PPIE: variants seen among roughly 807,000 people sequenced by gnomAD.
PPIE encodes peptidyl-prolyl cis-trans isomerase E.
Under a neutral mutation model 38.4 loss-of-function variants are expected in PPIE, and 20 were observed. The observed-to-expected ratio is 0.52, with a 90% confidence interval of 0.37 to 0.76. The LOEUF (loss-of-function observed/expected upper bound fraction) is 0.76, where lower values mean the gene tolerates loss of function less well. Ranked by LOEUF, PPIE falls within the 30% of genes least tolerant of loss-of-function variation. The pLI, the probability that PPIE is intolerant of heterozygous loss-of-function variation, is 0.00. For synonymous variants in PPIE, 142 were observed against 135.7 expected, an observed-to-expected ratio of 1.05 and a Z score of -0.32; for missense variants, 322 against 385.8, an observed-to-expected ratio of 0.83 and a Z score of 1.39.
chr1:39,741,480 C>T, intron 3 of PPIE, 71 bp downstream of exon 3: 2 of 1,550,354 alleles, frequency 1.3e-6, no homozygotes, highest in Admixed American at 1.7e-5. Flanking sequence ...GGAAGCTTTT[C>T]ACCATTTGGT....
intron 8 of PPIE, among the ~76,000 whole-genome samples, chr1:39,749,855 C>A (rs867233264): frequency 6.6e-6 from 1 of 152,170 alleles, no homozygotes; most frequent in East Asian, 1.9e-4. Context: ...ATCCGGTTGC[C>A]GGGTGCAGTG....
chr1:39,756,758 C>A lies in PPIE; in HGVS notation c.*3403C>A. On this transcript the variant is annotated 3_prime_UTR_variant, in exon 10 of 10. Coordinates refer to ENST00000324379, the MANE Select transcript of PPIE (RefSeq NM_006112.4). ...GAAAAAAAGCCTAGAAATAAAGCCA[C>A]AAAAATATTAATAGTGTGTTTATTT... 1 of 279,124 alleles carries A rather than the reference C, an allele frequency of 3.6e-6. No individual in the cohort carries two copies. The allele number at this position is 279,124 out of a possible 1,614,324, so 17.3% of individuals were successfully genotyped here. A position where few individuals can be genotyped will look rare whatever the true frequency, so the allele number is the denominator to read the frequency against.
chr1:39,750,134 G>A lies in PPIE; in HGVS notation c.694+1046G>A, dbSNP rs192446827. 1.1e-3 allele frequency among the ~76,000 whole-genome samples: 161 copies of A among 151,294 alleles called. 1 individual carries two copies. Among genetic ancestry groups the A allele is most frequent in the African/African-American group, 3.5e-3 (146 of 41,288 alleles). On this transcript the variant is annotated intron_variant, in intron 8 of 9. Transcript: ENST00000324379. ...GGCAACAAGAGCGAAACTCCGTCTCGGAAAAAAAAAAACAAACTTCATCCT... is the reference window on the plus strand; with the variant it reads ...GGCAACAAGAGCGAAACTCCGTCTCAGAAAAAAAAAAACAAACTTCATCCT...
chr1:39,740,857 G>A (rs921237554), intron 2 of PPIE, among the ~76,000 whole-genome samples: 1 of 152,218 alleles, frequency 6.6e-6, no homozygotes, highest in Non-Finnish European at 1.5e-5. Flanking sequence ...TTTGCAAAAT[G>A]ATAAGGTTAT....
intron 8 of PPIE, among the ~76,000 whole-genome samples, chr1:39,750,065 G>A (rs879445986): frequency 6.6e-5 from 10 of 152,088 alleles, no homozygotes; most frequent in Admixed American, 3.9e-4. Flanking sequence ...CCTGGGAGGC[G>A]GAGGTTGTGA....
In PPIE at chr1:39,755,437, A is replaced by G. The variant is rs1648164065; in HGVS notation, c.*2082A>G. ...AGTTCAGGCTCCATGTAGCTGGGAT[A>G]TACTACATGGTTACCCCTCACCCCT... On this transcript the variant is annotated 3_prime_UTR_variant, in exon 10 of 10. Transcript: ENST00000324379. 11 of 985,300 alleles carry G rather than the reference A, an allele frequency of 1.1e-5. No homozygotes were observed. The highest frequency in any genetic ancestry group is 8.7e-5 in the African/African-American group (5 of 57,236). The allele number at this position is 985,300 out of a possible 1,614,324, so 61.0% of individuals were successfully genotyped here. A position where few individuals can be genotyped will look rare whatever the true frequency, so the allele number is the denominator to read the frequency against.
rs1648011134 is a variant in PPIE, at chr1:39,753,830, C to T, written c.*475C>T. On this transcript the variant is annotated 3_prime_UTR_variant, in exon 10 of 10. Coordinates refer to ENST00000324379, the MANE Select transcript of PPIE (RefSeq NM_006112.4). ...ACAGCTTTCATTTCCTCCCTTGGGC[C>T]GATCCCCTTAGATGTCAGGTGATGT... 5.0e-6 allele frequency: 5 copies of T among 991,446 alleles called. No individual in the cohort carries two copies. Among genetic ancestry groups the T allele is most frequent in the Non-Finnish European group, 4.8e-6 (4 of 833,812 alleles). The allele number at this position is 991,446 out of a possible 1,614,324, so 61.4% of individuals were successfully genotyped here.
chr1:39,755,452 C>T lies in PPIE; in HGVS notation c.*2097C>T. The T allele has an allele frequency of 2.0e-6, 2 of 985,396 alleles. No individual in the cohort carries two copies. Among genetic ancestry groups the T allele is most frequent in the South Asian group, 4.7e-5 (1 of 21,288 alleles). The allele number at this position is 985,396 out of a possible 1,614,324, so 61.0% of individuals were successfully genotyped here. A position where few individuals can be genotyped will look rare whatever the true frequency, so the allele number is the denominator to read the frequency against. The stretch of plus-strand genomic sequence containing the variant: ...TAGCTGGGATATACTACATGGTTAC[C>T]CCTCACCCCTATGGAGCTTCCAAAA... On this transcript the variant is annotated 3_prime_UTR_variant, in exon 10 of 10. Transcript: ENST00000324379.
intron 7 of PPIE, 122 bp downstream of exon 7, chr1:39,745,620 G>A: frequency 1.3e-6 from 2 of 1,489,040 alleles, no homozygotes; most frequent in Non-Finnish European, 1.8e-6. Context: ...GTTGATTTGA[G>A]GCATCTCAGA....
chr1:39,745,252 C>G, intron 6 of PPIE, 123 bp from the exon 7 acceptor site: 1 of 1,345,468 alleles, frequency 7.4e-7, no homozygotes, highest in South Asian at 1.3e-5. Context: ...CAAGGCCTTC[C>G]CCGTCAGCAC....
chr1:39,748,964 C>A lies in PPIE; in HGVS notation c.570C>A (p.His190Gln). The change falls in exon 8 of 10, where the codon CAC (histidine) becomes CAA (glutamine). Residue 190 changes from histidine to glutamine, a missense_variant. Physicochemically the swap from His to Gln is conservative, Grantham distance 24. Transcript: ENST00000324379. ...TTGGCTTTAAGGGAAGCAGCTTCCA[C>A]CGCATCATCCCCCAGTTCATGTGCC... ...KGFGFKGSSF[H>Q]RIIPQFMCQG... 6.2e-7 allele frequency: 1 copy of A among 1,614,130 alleles called. No homozygotes were observed. Among genetic ancestry groups the A allele is most frequent in the African/African-American group, 1.3e-5 (1 of 75,034 alleles).
intron 6 of PPIE, among the ~76,000 whole-genome samples, chr1:39,744,444 C>A: frequency 6.6e-6 from 1 of 152,202 alleles, no homozygotes; most frequent in African/African-American, 2.4e-5. Context: ...GCTTCCTGGG[C>A]GTCCCCTCCT....
intron 7 of PPIE, chr1:39,748,700 A>G: frequency 1.8e-6 from 1 of 551,294 alleles, no homozygotes; most frequent in Non-Finnish European, 3.2e-6. Context: ...GTGCCATTGC[A>G]CTGCAGCATG....
At chr1:39,758,777 C>G (rs1432507259), downstream of PPIE, 4 of 152,294 alleles carry the variant, frequency 2.6e-5, no homozygotes. Flanking sequence ...AACTTCCAGA[C>G]AGCCTGGGGC....
intron 8 of PPIE, among the ~76,000 whole-genome samples, chr1:39,749,639 C>A (rs1207479560): frequency 6.6e-6 from 1 of 152,102 alleles, no homozygotes; most frequent in East Asian, 1.9e-4. Flanking sequence ...TCTCTCCACT[C>A]GTGCATGCTC....
chr1:39,758,862 G>C (rs1648571192), downstream of PPIE: 1 of 152,224 alleles, frequency 6.6e-6, no homozygotes, highest in Non-Finnish European at 1.5e-5. Context: ...AGGTGGAGGG[G>C]CTGCTGTCCC....
chr1:39,762,159 T>C (rs1174040870), intron 9 of PPIE, among the ~76,000 whole-genome samples: 2 of 152,238 alleles, frequency 1.3e-5, no homozygotes, highest in Admixed American at 1.3e-4. Flanking sequence ...AGCATTATCA[T>C]AGGCTCAGAG....
At chr1:39,760,904 C>A (rs542074850), downstream of PPIE, among the ~76,000 whole-genome samples, 15 of 151,332 alleles carry the variant, frequency 9.9e-5, no homozygotes, top group Non-Finnish European at 5.9e-5. Context: ...AGGTTTGTGC[C>A]CTTAGTGAGG....
intron 9 of PPIE, chr1:39,762,622 T>C: frequency 6.5e-7 from 1 of 1,548,078 alleles, no homozygotes; most frequent in Non-Finnish European, 8.7e-7. Context: ...CCACACCATC[T>C]AGAAGCTTCC....
Sources: allele counts gnomAD v4.1 joint callset (sites outside exome capture counted in the v4.1 genomes callset), GRCh38; gene constraint gnomAD v4.1.1; transcripts MANE v1.5; gene names NCBI Gene and HGNC (gene_info 2026-07-23, HGNC 2026-07-21).